The following SYN3 variants were observed in gnomAD, a reference collection of about 807,000 sequenced individuals.
SYN3 encodes the protein synapsin III, also known as synapsin-3.
In SYN3, 35 loss-of-function variants were observed where a neutral mutation model predicts 65.8. That is an observed-to-expected ratio of 0.53 (90% CI 0.41 to 0.70). The LOEUF (loss-of-function observed/expected upper bound fraction) is 0.70, where lower values mean the gene tolerates loss of function less well. Ranked by LOEUF, SYN3 falls within the 30% of genes least tolerant of loss-of-function variation. The pLI is 0.00. For missense variants in SYN3, 680 were observed against 749.0 expected (o/e 0.91, Z 1.08); for synonymous variants, 270 against 292.9 (o/e 0.92, Z 0.80).
intron 6 of SYN3, among the ~76,000 whole-genome samples, chr22:32,686,937 A>G (rs1211536907): frequency 6.6e-6 from 1 of 151,932 alleles, no homozygotes; most frequent in Non-Finnish European, 1.5e-5. Flanking sequence ...TGCCTTATCC[A>G]GAGTCACACA....
chr22:32,935,448 ATTTT>A (rs137556), intron 3 of SYN3, among the ~76,000 whole-genome samples: 1 of 124,052 alleles, frequency 8.1e-6, no homozygotes. Context: ...TTGGTATGGT[ATTTT>A]TTTTTTTTTT....
At chr22:32,631,837 T>C (rs2059751490) in intron 6 of SYN3, among the ~76,000 whole-genome samples, 1 of 152,204 alleles carries the variant, frequency 6.6e-6, no homozygotes, top group Non-Finnish European at 1.5e-5. Flanking sequence ...ATGTATTATT[T>C]GAACCCAGCA....
At chr22:32,682,325 C>T (rs1268541978) in intron 6 of SYN3, among the ~76,000 whole-genome samples, 4 of 152,090 alleles carry the variant, frequency 2.6e-5, no homozygotes, top group Non-Finnish European at 5.9e-5. Context: ...TGGTTGAGAG[C>T]CAAGATCTTT....
intron 6 of SYN3, among the ~76,000 whole-genome samples, chr22:32,791,173 A>G (rs2046315971): frequency 6.6e-6 from 1 of 152,218 alleles, no homozygotes; most frequent in African/African-American, 2.4e-5. Context: ...ATACCTTTAC[A>G]CTTGTATATT....
intron 4 of SYN3, among the ~76,000 whole-genome samples, chr22:32,886,240 T>C (rs955465751): frequency 2.6e-5 from 4 of 152,216 alleles, no homozygotes; most frequent in African/African-American, 9.6e-5. Flanking sequence ...TGGCAACCCC[T>C]TGACCTGGAA....
chr22:32,517,844 G>A lies in SYN3; in HGVS notation c.1610+199C>T, dbSNP rs77829062. On this transcript the variant is annotated intron_variant, in intron 13 of 13. Coordinates refer to ENST00000358763, the MANE Select transcript of SYN3 (RefSeq NM_003490.4). ...GGTATGTGTATACACGGAGGGTCAC[G>A]GTGGTGTCTAATCTATACTCTCACC... Among the ~76,000 whole-genome samples the A allele has an allele frequency of 2.1e-3, 318 of 152,212 alleles. 1 individual carries two copies. Among genetic ancestry groups the A allele is most frequent in the African/African-American group, 7.1e-3 (295 of 41,534 alleles).
intron 4 of SYN3, among the ~76,000 whole-genome samples, chr22:32,926,979 A>G (rs955171834): frequency 3.7e-4 from 57 of 152,202 alleles, no homozygotes; most frequent in African/African-American, 1.4e-3. Flanking sequence ...AGGGGAGAAC[A>G]AGAATATGGG....
chr22:32,732,812 A>C (rs942393040), intron 6 of SYN3, among the ~76,000 whole-genome samples: 3 of 152,166 alleles, frequency 2.0e-5, no homozygotes, highest in Admixed American at 6.5e-5. Context: ...ATATTTACTG[A>C]CCATCCACTA....
intron 4 of SYN3, among the ~76,000 whole-genome samples, chr22:32,920,770 C>T (rs1265365582): frequency 6.6e-6 from 1 of 152,156 alleles, no homozygotes; most frequent in Non-Finnish European, 1.5e-5. Context: ...TTGGCAGCAT[C>T]AACTCAGCTC....
chr22:32,586,975 G>A (rs754608177), intron 7 of SYN3, among the ~76,000 whole-genome samples: 5 of 152,120 alleles, frequency 3.3e-5, no homozygotes, highest in Non-Finnish European at 5.9e-5. Context: ...TGTAATCCCA[G>A]CACTTTGGGA....
chr22:32,691,799 GCCACCTGCTAAGATAC>G (rs1422215178), intron 6 of SYN3, among the ~76,000 whole-genome samples: 2 of 152,044 alleles, frequency 1.3e-5, no homozygotes, highest in African/African-American at 2.4e-5. Flanking sequence ...AAGAAATGCA[GCCACCTGCTAAGATAC>G]CCACCAATAA....
rs933602603 is a variant in SYN3 at position 32,510,947 on chromosome 22, A to G, written c.*2745T>C. On this transcript the variant is annotated 3_prime_UTR_variant, in exon 14 of 14. Transcript: ENST00000358763. ...ACTCATAGCGAGGTGACAGGATTTT[A>G]GGATGTGCATTTGTCAATTCCAAGT... is the stretch of plus-strand genomic sequence containing the variant. 1.3e-5 allele frequency among the ~76,000 whole-genome samples: 2 copies of G among 149,864 alleles called. No homozygotes were observed. Among genetic ancestry groups the G allele is most frequent in the Non-Finnish European group, 2.9e-5 (2 of 67,798 alleles).
At chr22:32,734,436 C>A (rs2061311137) in intron 6 of SYN3, among the ~76,000 whole-genome samples, 1 of 152,160 alleles carries the variant, frequency 6.6e-6, no homozygotes, top group Non-Finnish European at 1.5e-5. Flanking sequence ...GGGGCAGAGA[C>A]ACTGATCCAA....
chr22:32,903,975 G>A (rs1053928396), intron 4 of SYN3, among the ~76,000 whole-genome samples: 3 of 152,188 alleles, frequency 2.0e-5, no homozygotes, highest in South Asian at 2.1e-4. Flanking sequence ...AGGAGGTGGT[G>A]AAATTAATAA....
intron 6 of SYN3, among the ~76,000 whole-genome samples, chr22:32,746,492 A>G (rs2044936187): frequency 6.6e-6 from 1 of 152,190 alleles, no homozygotes; most frequent in South Asian, 2.1e-4. Context: ...CCATGACCAC[A>G]GGGATGAGGA....
intron 3 of SYN3, among the ~76,000 whole-genome samples, chr22:32,941,302 T>C (rs1386078359): frequency 6.6e-6 from 1 of 152,210 alleles, no homozygotes; most frequent in Non-Finnish European, 1.5e-5. Context: ...TAAAGGTTTC[T>C]CTTTGCTTTA....
chr22:32,730,581 C>A (rs1181787945), intron 6 of SYN3, among the ~76,000 whole-genome samples: 1 of 152,170 alleles, frequency 6.6e-6, no homozygotes, highest in African/African-American at 2.4e-5. Flanking sequence ...CTTTTACAGA[C>A]AATAATATTG....
chr22:32,604,068 G>A (rs1163359348), intron 6 of SYN3, among the ~76,000 whole-genome samples: 1 of 152,218 alleles, frequency 6.6e-6, no homozygotes, highest in African/African-American at 2.4e-5. Context: ...AGTCACAGCC[G>A]CATCCTCAAT....
At chr22:33,018,085 T>TA (rs1342634670) in intron 1 of SYN3, among the ~76,000 whole-genome samples, 1 of 152,150 alleles carries the variant, frequency 6.6e-6, no homozygotes, top group Non-Finnish European at 1.5e-5. Context: ...ATTGGAGGGT[T>TA]AGAGACAAGA....
Sources: gnomAD v4.1 joint callset for allele counts (sites outside exome capture counted in the v4.1 genomes callset) on GRCh38, gnomAD v4.1.1 for gene constraint, MANE v1.5 for transcripts, NCBI Gene and HGNC (gene_info 2026-07-23, HGNC 2026-07-21) for gene names.